Variants in ADAM23 observed in about 807,000 individuals in gnomAD.
ADAM23 encodes the protein ADAM metallopeptidase domain 23.
A neutral mutation model predicts 120.1 loss-of-function variants in ADAM23; 33 were observed. The ratio of observed to expected loss-of-function variants is 0.27; its 90% CI spans 0.21 to 0.37. The LOEUF is 0.37. ADAM23 is among the 10% of genes least tolerant of loss of function. The pLI, the probability that ADAM23 is intolerant of heterozygous loss-of-function variation, is 1.00. For missense variants in ADAM23, 862 were observed against 1,058.2 expected (o/e 0.81, Z 2.57); for synonymous variants, 367 against 375.2 (o/e 0.98, Z 0.25).
At chr2:206,446,236 A>G (rs1695079696) in intron 2 of ADAM23, among the ~76,000 whole-genome samples, 1 of 152,246 alleles carries the variant, frequency 6.6e-6, no homozygotes, top group East Asian at 1.9e-4. Flanking sequence ...AGTAGAAGAC[A>G]AATGTTTAAT....
chr2:206,479,780 G>C (rs979267665), intron 2 of ADAM23, among the ~76,000 whole-genome samples: 1 of 151,710 alleles, frequency 6.6e-6, no homozygotes, highest in African/African-American at 2.4e-5. Context: ...AATTTGACTT[G>C]GTGTCCTATG....
intron 3 of ADAM23, among the ~76,000 whole-genome samples, chr2:206,482,705 G>A (rs1695922239): frequency 6.6e-6 from 1 of 152,142 alleles, no homozygotes; most frequent in East Asian, 1.9e-4. Flanking sequence ...GAGTCTACTT[G>A]GGGGAAGGTT....
chr2:206,570,832 A>G, intron 16 of ADAM23, 21 bp downstream of exon 16: 3 of 1,599,986 alleles, frequency 1.9e-6, no homozygotes, highest in Non-Finnish European at 2.6e-6. Flanking sequence ...GAAACCTTCT[A>G]TACTTACAGC....
At chr2:206,614,635 A>G (rs1226085384) in intron 25 of ADAM23, among the ~76,000 whole-genome samples, 1 of 152,118 alleles carries the variant, frequency 6.6e-6, no homozygotes, top group Admixed American at 6.6e-5. Context: ...CTGGGCAACA[A>G]GAACAAAACT....
intron 2 of ADAM23, among the ~76,000 whole-genome samples, chr2:206,449,766 A>T (rs945572477): frequency 5.3e-5 from 8 of 152,170 alleles, no homozygotes; most frequent in African/African-American, 1.9e-4. Flanking sequence ...GTCTCAAAAA[A>T]CAAACAAACA....
At chr2:206,530,289 G>A (rs1697024934) in intron 3 of ADAM23, among the ~76,000 whole-genome samples, 1 of 152,210 alleles carries the variant, frequency 6.6e-6, no homozygotes, top group African/African-American at 2.4e-5. Flanking sequence ...GAGCTGAGTA[G>A]TTGTAGTGGA....
chr2:206,595,932 A>G (rs917828429), intron 23 of ADAM23, 119 bp from the exon 24 acceptor site: 3 of 740,938 alleles, frequency 4.0e-6, no homozygotes, highest in African/African-American at 3.6e-5. Flanking sequence ...GGAAACTTTA[A>G]AAAGAAATTC....
At chr2:206,559,124 T>C (rs1439039431) in intron 10 of ADAM23, among the ~76,000 whole-genome samples, 2 of 152,150 alleles carry the variant, frequency 1.3e-5, no homozygotes, top group African/African-American at 2.4e-5. Context: ...TTTTGTATTT[T>C]TAGTAGAGAC....
intron 2 of ADAM23, among the ~76,000 whole-genome samples, chr2:206,472,368 G>T (rs984285347): frequency 6.6e-6 from 1 of 152,080 alleles, no homozygotes; most frequent in African/African-American, 2.4e-5. Flanking sequence ...CCAGTACCTT[G>T]GGAGGCCGAG....
chr2:206,601,860 A>G (rs931453247), intron 24 of ADAM23, among the ~76,000 whole-genome samples: 4 of 152,094 alleles, frequency 2.6e-5, no homozygotes, highest in South Asian at 2.1e-4. Context: ...ATAACCAGGT[A>G]GTAATCAAGC....
chr2:206,517,561 T>A lies in ADAM23; in HGVS notation c.510-13324T>A, dbSNP rs183182308. On this transcript the variant is annotated intron_variant, in intron 3 of 25. Coordinates refer to ENST00000264377, the MANE Select transcript of ADAM23 (RefSeq NM_003812.4). Reference sequence around the variant, plus strand: ...ATGGGATGGTTATTTTGGAGAGTCTTGTTTGCTTTTCTAGTGTCCACAGGC... The same window carrying A: ...ATGGGATGGTTATTTTGGAGAGTCTAGTTTGCTTTTCTAGTGTCCACAGGC... Among the ~76,000 whole-genome samples the A allele has an allele frequency of 2.3e-4, 35 of 152,228 alleles. 1 individual carries two copies. The East Asian group carries it at 6.0e-3, about 26-fold the overall frequency.
At chr2:206,518,619 A>G (rs1276395071) in intron 3 of ADAM23, among the ~76,000 whole-genome samples, 1 of 152,202 alleles carries the variant, frequency 6.6e-6, no homozygotes, top group Non-Finnish European at 1.5e-5. Context: ...TGTTAATGCA[A>G]CTGTGGCTTT....
At chr2:206,470,685 T>C (rs974085930) in intron 2 of ADAM23, among the ~76,000 whole-genome samples, 4 of 152,158 alleles carry the variant, frequency 2.6e-5, no homozygotes, top group African/African-American at 9.7e-5. Context: ...GAGAAATCCA[T>C]TTTTGGCATG....
rs570177128 is a variant in ADAM23, at chr2:206,494,881, TGG to T, written c.509+13574_509+13575del. ...AGCCTCAGTAACCAATGCTATCAAC[TGG>T]AAGAAAGGGTATCAGCGATGGAAGA... On this transcript the variant is annotated intron_variant, in intron 3 of 25. Transcript: ENST00000264377. 4.3e-3 allele frequency among the ~76,000 whole-genome samples: 661 copies of T among 152,192 alleles called. 5 individuals carry two copies. Among genetic ancestry groups the T allele is most frequent in the African/African-American group, 0.015 (630 of 41,510 alleles).
At chr2:206,593,332 G>A (rs1352975969) in intron 22 of ADAM23, among the ~76,000 whole-genome samples, 1 of 152,054 alleles carries the variant, frequency 6.6e-6, no homozygotes, top group African/African-American at 2.4e-5. Flanking sequence ...GTTATAATTC[G>A]AAGATACTAT....
intron 4 of ADAM23, among the ~76,000 whole-genome samples, chr2:206,533,560 GAC>G (rs1474100717): frequency 2.0e-5 from 3 of 152,180 alleles, no homozygotes; most frequent in South Asian, 2.1e-4. Context: ...CACACATGTA[GAC>G]ACACAATATT....
chr2:206,583,403 G>A (rs903184122), intron 18 of ADAM23, among the ~76,000 whole-genome samples: 3 of 151,072 alleles, frequency 2.0e-5, no homozygotes, highest in Admixed American at 6.6e-5. Flanking sequence ...GCAGTGAGCC[G>A]AGATAGTGCC....
intron 4 of ADAM23, among the ~76,000 whole-genome samples, chr2:206,541,350 T>A (rs1697287283): frequency 6.6e-6 from 1 of 152,160 alleles, no homozygotes; most frequent in Non-Finnish European, 1.5e-5. Context: ...AAACTGGTGA[T>A]ATGAATTAGA....
chr2:206,446,663 A>T (rs1049843855), intron 2 of ADAM23, among the ~76,000 whole-genome samples: 2 of 152,140 alleles, frequency 1.3e-5, no homozygotes, highest in Admixed American at 1.3e-4. Flanking sequence ...TTTACAAGTT[A>T]GGTCTCTGAG....
Sources: gnomAD v4.1 joint callset for allele counts (sites outside exome capture counted in the v4.1 genomes callset) on GRCh38, gnomAD v4.1.1 for gene constraint, MANE v1.5 for transcripts, NCBI Gene and HGNC (gene_info 2026-07-23, HGNC 2026-07-21) for gene names.